NPLOC4: variants seen among roughly 807,000 people sequenced by gnomAD.
NPLOC4 encodes the protein NPL4 homolog, ubiquitin recognition factor, also known as nuclear protein localization protein 4 homolog.
In NPLOC4, 18 loss-of-function variants were observed where a neutral mutation model predicts 80.6. The observed-to-expected ratio is 0.22, with a 90% CI of 0.15 to 0.33. The LOEUF is 0.33. Among genes scored for constraint, NPLOC4 ranks in the 10% least tolerant of loss-of-function variants. The pLI, the probability that NPLOC4 is intolerant of heterozygous loss-of-function variation, is 1.00. For synonymous variants in NPLOC4, 313 were observed against 301.5 expected, an observed-to-expected ratio of 1.04 and a Z score of -0.39; for missense variants, 540 against 786.1, an observed-to-expected ratio of 0.69 and a Z score of 3.74.
chr17:81,596,076 G>A lies in NPLOC4; in HGVS notation c.1120+40C>T, dbSNP rs200820996. On this transcript the variant is annotated intron_variant, in intron 11 of 16. Coordinates refer to ENST00000331134, the MANE Select transcript of NPLOC4 (RefSeq NM_017921.4). ...AAAAAGAGGAACAAAATATATTAAC[G>A]AGGTGGTAATATTTACAGTACATAC... 1.1e-4 allele frequency: 176 copies of A among 1,572,346 alleles called. No individual in the cohort carries two copies. The African/African-American group carries it at 2.1e-3, about 19-fold the overall frequency.
intron 2 of NPLOC4, among the ~76,000 whole-genome samples, chr17:81,623,739 A>G (rs9903547): frequency 0.31 from 46,729 of 150,264 alleles, 8,299 homozygotes; most frequent in East Asian, 0.7. Context: ...CGGAGCTTGC[A>G]GTGAGCCGAG....
In NPLOC4 at chr17:81,617,998, G is replaced by A. The variant is rs1358308782; in HGVS notation, c.209+4168C>T. On this transcript the variant is annotated intron_variant, in intron 3 of 16. Coordinates refer to ENST00000331134, the MANE Select transcript of NPLOC4 (RefSeq NM_017921.4). ...GGCTGGAGTGCAGTGGCGTGATCTC[G>A]GCTCGCTACAACCTCTACCTCCCAG... is the stretch of plus-strand genomic sequence containing the variant. 5.3e-5 allele frequency among the ~76,000 whole-genome samples: 8 copies of A among 152,238 alleles called. No individual in the cohort carries two copies. The East Asian group carries it at 1.2e-3, about 22-fold the overall frequency.
At chr17:81,559,455 G>A in intron 16 of NPLOC4, 39 bp from the exon 17 acceptor site, 1 of 1,572,652 alleles carries the variant, frequency 6.4e-7, no homozygotes, top group Non-Finnish European at 8.6e-7. Flanking sequence ...ATCATTTCTG[G>A]CCCACCAGAG....
rs139316335 is a variant in NPLOC4 at position 81,583,940 on chromosome 17, A to G, written c.1281+5004T>C. Among the ~76,000 whole-genome samples the G allele has an allele frequency of 5.5e-3, 838 of 152,346 alleles. 11 individuals are homozygous for G. Among genetic ancestry groups the G allele is most frequent in the African/African-American group, 0.019 (786 of 41,582 alleles). On this transcript the variant is annotated intron_variant, in intron 12 of 16. Transcript: ENST00000331134. ...AGATGCATTTTTAATTTTGCTTTCT[A>G]AGTTTTACCCCTTATCTTTAAATAA...
Position 81,586,001 on chromosome 17 carries a change from T to C in NPLOC4, c.1281+2943A>G, listed in dbSNP as rs182079540. Among the ~76,000 whole-genome samples, 21 of 151,870 alleles carry C rather than the reference T, an allele frequency of 1.4e-4. No individual in the cohort carries two copies. In the East Asian group the frequency reaches 2.3e-3, roughly 17 times the overall value. On this transcript the variant is annotated intron_variant, in intron 12 of 16. Transcript: ENST00000331134. ...GAGATGCTGTTTCAAAAGAAAAATA[T>C]AGGTCAGGCACAGTGTCTCATGCAT... is the stretch of plus-strand genomic sequence containing the variant.
Position 81,610,679 on chromosome 17 carries a change from G to A in NPLOC4, c.387-421C>T, listed in dbSNP as rs1366123423. Reference sequence around the variant, plus strand: ...TAAAATGACACAAACCAGGCCGGGCGCGGTGGCTCACGCCTGTAATCCCAG... The same window carrying A: ...TAAAATGACACAAACCAGGCCGGGCACGGTGGCTCACGCCTGTAATCCCAG... On this transcript the variant is annotated intron_variant, in intron 4 of 16. Coordinates refer to ENST00000331134, the MANE Select transcript of NPLOC4 (RefSeq NM_017921.4). Among the ~76,000 whole-genome samples the A allele has an allele frequency of 5.8e-5, 2 of 34,752 alleles. 1 individual carries two copies. The highest frequency in any genetic ancestry group is 1.4e-4 in the African/African-American group (2 of 14,490). The allele number at this position is 34,752 out of a possible 152,430, so 22.8% of individuals were successfully genotyped here.
At chr17:81,576,036 T>G (rs2034289613) in intron 12 of NPLOC4, among the ~76,000 whole-genome samples, 1 of 152,178 alleles carries the variant, frequency 6.6e-6, no homozygotes, top group Admixed American at 6.5e-5. Flanking sequence ...CAGAGCAGTT[T>G]GGTAACAACA....
At chr17:81,610,128 G>C in intron 5 of NPLOC4, 82 bp downstream of exon 5, 1 of 1,286,698 alleles carries the variant, frequency 7.8e-7, no homozygotes, top group Non-Finnish European at 1.1e-6. Context: ...CCAAGTGCGT[G>C]GACTCAGGGC....
At position 81,604,629 on chromosome 17, in the gene NPLOC4, G is replaced by A; in HGVS notation, c.753C>T (p.Tyr251=). ...WRKTGNQHFG[Y]LYGRYTEHKD... ...TGTGCTCCGTGTACCGTCCGTATAA[G>A]TACCCAAAATGCTGGTTCCCTGTCT... is the stretch of plus-strand genomic sequence containing the variant. The change falls in exon 8 of 17, where the codon TAC becomes TAT. Residue 251 remains tyrosine (Y), a synonymous_variant. Transcript: ENST00000331134. 6.2e-7 allele frequency: 1 copy of A among 1,613,934 alleles called. No homozygotes were observed. Among genetic ancestry groups the A allele is most frequent in the Non-Finnish European group, 8.5e-7 (1 of 1,179,872 alleles).
chr17:81,602,558 C>T (rs1040058870), intron 8 of NPLOC4, among the ~76,000 whole-genome samples: 1 of 151,910 alleles, frequency 6.6e-6, no homozygotes, highest in Non-Finnish European at 1.5e-5. Flanking sequence ...CAAAAATTAG[C>T]CAGGCGTGGT....
chr17:81,604,463 C>T (rs899152575), intron 8 of NPLOC4, 85 bp downstream of exon 8: 24 of 1,256,890 alleles, frequency 1.9e-5, no homozygotes, highest in South Asian at 6.2e-5. Context: ...AACAACAAAG[C>T]GAACAGGGCA....
rs2034052661 is a variant in NPLOC4 at position 81,567,845 on chromosome 17, G to A, written c.1450-312C>T. The A allele has an allele frequency of 8.5e-6, 2 of 235,174 alleles. No individual in the cohort carries two copies. The highest frequency in any genetic ancestry group is 8.4e-6 in the Non-Finnish European group (1 of 118,606). The allele number at this position is 235,174 out of a possible 1,614,324, so 14.6% of individuals were successfully genotyped here. A position where few individuals can be genotyped will look rare whatever the true frequency, so the allele number is the denominator to read the frequency against. On this transcript the variant is annotated intron_variant, in intron 14 of 16. Coordinates refer to ENST00000331134, the MANE Select transcript of NPLOC4 (RefSeq NM_017921.4). The surrounding 1 kb of genome is among the most constrained non-coding windows in gnomAD (Gnocchi z 4.5). ...ACAGTAATTCCAGCACTTTTTAGGA[G>A]GCCGAGGCAGGCAGGTGGTCAGGAG... is the stretch of plus-strand genomic sequence containing the variant.
rs186705370 is a variant in NPLOC4, at chr17:81,605,219, C to T, written c.655-492G>A. Among the ~76,000 whole-genome samples, 83 of 147,496 alleles carry T rather than the reference C, an allele frequency of 5.6e-4. No individual in the cohort carries two copies. In the East Asian group the frequency reaches 5.7e-3, roughly 10 times the overall value. ...TGGCGTGAACCCGGGAGGTGGAGCTCGCAGTGAGCTGAGATGGCGCCACTG... is the reference window on the plus strand; with the variant it reads ...TGGCGTGAACCCGGGAGGTGGAGCTTGCAGTGAGCTGAGATGGCGCCACTG... On this transcript the variant is annotated intron_variant, in intron 7 of 16. Transcript: ENST00000331134.
chr17:81,560,361 C>T (rs745791594), intron 16 of NPLOC4, among the ~76,000 whole-genome samples: 3 of 151,656 alleles, frequency 2.0e-5, no homozygotes, highest in East Asian at 3.9e-4. Context: ...TGCAGTGAGC[C>T]GAGACCCTGC....
At chr17:81,579,212 A>C (rs2034374682) in intron 12 of NPLOC4, among the ~76,000 whole-genome samples, 1 of 152,144 alleles carries the variant, frequency 6.6e-6, no homozygotes, top group African/African-American at 2.4e-5. Context: ...CTCTCTACTA[A>C]AAATACAAAA....
intron 3 of NPLOC4, among the ~76,000 whole-genome samples, chr17:81,618,544 GTGCCCCCGCCCGGC>G (rs2035572645): frequency 3.9e-5 from 3 of 77,352 alleles, no homozygotes; most frequent in East Asian, 1.7e-3. Flanking sequence ...TGAGGGGTCA[GTGCCCCCGCCCGGC>G]CAGCCGCCCC....
chr17:81,600,250 C>T (rs1233983255), intron 9 of NPLOC4, 91 bp downstream of exon 9: 21 of 869,836 alleles, frequency 2.4e-5, no homozygotes, highest in African/African-American at 5.0e-5. Context: ...CAGTACCCGA[C>T]ACAGCCCGGC....
chr17:81,618,687 ACC>A (rs1403424825), intron 3 of NPLOC4, among the ~76,000 whole-genome samples: 1 of 150,736 alleles, frequency 6.6e-6, no homozygotes, highest in Non-Finnish European at 1.5e-5. Context: ...CCCGGCCACC[ACC>A]CCGTCTGGGA....
intron 1 of NPLOC4, among the ~76,000 whole-genome samples, chr17:81,636,225 C>T (rs958594055): frequency 7.9e-5 from 12 of 152,204 alleles, no homozygotes; most frequent in African/African-American, 2.7e-4. Context: ...CCCGCCTCGG[C>T]CTCCCAAAGT....
Sources: gnomAD v4.1 joint callset for allele counts (sites outside exome capture counted in the v4.1 genomes callset) on GRCh38, gnomAD v4.1.1 for gene constraint, Gnocchi (gnomAD v3.1) non-coding constraint, MANE v1.5 for transcripts, NCBI Gene and HGNC (gene_info 2026-07-23, HGNC 2026-07-21) for gene names.